The following SMARCC1 variants were observed in gnomAD, a reference collection of about 807,000 sequenced individuals.
The protein encoded by SMARCC1 is SWI/SNF complex subunit SMARCC1.
A neutral mutation model predicts 147.4 loss-of-function variants in SMARCC1; 43 were observed. That is an observed-to-expected ratio of 0.29 (90% confidence interval 0.23 to 0.38). The LOEUF (loss-of-function observed/expected upper bound fraction) is 0.38. Ranked by LOEUF, SMARCC1 falls within the 10% of genes least tolerant of loss-of-function variation. SMARCC1 has a pLI of 1.00. For synonymous variants in SMARCC1, 495 were observed against 484.4 expected, an observed-to-expected ratio of 1.02 and a Z score of -0.29; for missense variants, 1,119 against 1,381.1, an observed-to-expected ratio of 0.81 and a Z score of 3.01.
intron 21 of SMARCC1, among the ~76,000 whole-genome samples, chr3:47,661,009 T>A (rs947924714): frequency 2.0e-5 from 3 of 152,192 alleles, no homozygotes; most frequent in Admixed American, 1.3e-4. Flanking sequence ...TACAGTTCCA[T>A]GCATCTTTCA....
chr3:47,774,189 T>C (rs1352127370), intron 1 of SMARCC1, among the ~76,000 whole-genome samples: 3 of 151,590 alleles, frequency 2.0e-5, no homozygotes, highest in South Asian at 2.1e-4. Flanking sequence ...CAATTTCTGC[T>C]ACTACCATTG....
rs1262718864 is a variant in SMARCC1, at chr3:47,601,113, TTTTTC to T, written c.3043+8948_3043+8952del. 9.3e-5 allele frequency among the ~76,000 whole-genome samples: 14 copies of T among 149,908 alleles called. No homozygotes were observed. In the East Asian group the frequency reaches 2.6e-3, roughly 27 times the overall value. ...GGGAGTCTGACCTACATACAAGCTT[TTTTTC>T]TTTTCTTTTTTCTTTTTTTTTTTTA... On this transcript the variant is annotated intron_variant, in intron 26 of 27. Transcript: ENST00000254480.
chr3:47,776,075 G>A (rs1342907378), intron 1 of SMARCC1, among the ~76,000 whole-genome samples: 1 of 151,464 alleles, frequency 6.6e-6, no homozygotes, highest in Non-Finnish European at 1.5e-5. Context: ...TTGAATCCGG[G>A]AGGCGGAGGT....
chr3:47,742,467 C>T (rs1196952967), intron 3 of SMARCC1, among the ~76,000 whole-genome samples: 1 of 152,176 alleles, frequency 6.6e-6, no homozygotes, highest in Non-Finnish European at 1.5e-5. Context: ...TTACATATAA[C>T]TATACTTCAA....
At chr3:47,663,491 C>T in intron 19 of SMARCC1, 2 of 636,472 alleles carry the variant, frequency 3.1e-6, no homozygotes, top group East Asian at 5.4e-5. Context: ...CACATCTGTA[C>T]TCCCAGCTAC....
At chr3:47,709,288 A>C (rs1241194128) in intron 9 of SMARCC1, among the ~76,000 whole-genome samples, 1 of 151,964 alleles carries the variant, frequency 6.6e-6, no homozygotes, top group Non-Finnish European at 1.5e-5. Context: ...AATGTGAAAA[A>C]CAGTAAGGTT....
intron 25 of SMARCC1, among the ~76,000 whole-genome samples, chr3:47,613,534 A>G (rs1041606170): frequency 6.6e-6 from 1 of 151,724 alleles, no homozygotes; most frequent in Admixed American, 6.6e-5. Flanking sequence ...TAATTTTTGT[A>G]TTTTTAGTAG....
intron 8 of SMARCC1, among the ~76,000 whole-genome samples, chr3:47,713,998 GA>G (rs2034123674): frequency 6.6e-6 from 1 of 152,324 alleles, no homozygotes; most frequent in South Asian, 2.1e-4. Context: ...ACAGGAAAGG[GA>G]AACCAACATT....
At chr3:47,682,300 A>G (rs1434719078) in intron 14 of SMARCC1, among the ~76,000 whole-genome samples, 1 of 151,726 alleles carries the variant, frequency 6.6e-6, no homozygotes, top group Non-Finnish European at 1.5e-5. Context: ...GTTTCAAAAA[A>G]AAAAAAAAAA....
intron 1 of SMARCC1, among the ~76,000 whole-genome samples, chr3:47,778,950 T>C (rs2035010940): frequency 6.6e-6 from 1 of 151,964 alleles, no homozygotes; most frequent in East Asian, 1.9e-4. Flanking sequence ...ATCTCACCAC[T>C]GCACTCCAGC....
intron 21 of SMARCC1, among the ~76,000 whole-genome samples, chr3:47,659,453 T>C (rs929975032): frequency 1.3e-5 from 2 of 152,002 alleles, no homozygotes; most frequent in African/African-American, 2.4e-5. Context: ...TCTGATAGCA[T>C]GTTAAATGGA....
At chr3:47,743,161 G>T (rs987840226) in intron 3 of SMARCC1, among the ~76,000 whole-genome samples, 1 of 152,174 alleles carries the variant, frequency 6.6e-6, no homozygotes, top group Non-Finnish European at 1.5e-5. Flanking sequence ...TGAGAGGCAT[G>T]TTAGGCATGG....
rs779643934 is a variant in SMARCC1, at chr3:47,661,439, G to A, written c.2175C>T (p.Val725=). The A allele has an allele frequency of 6.9e-6, 11 of 1,603,522 alleles. No individual in the cohort carries two copies. The South Asian group carries it at 1.2e-4, about 18-fold the overall frequency. Residue 725 remains valine, a synonymous_variant, in exon 21 of 28, where the codon GTC becomes GTT. Coordinates refer to ENST00000254480, the MANE Select transcript of SMARCC1 (RefSeq NM_003074.4). ...AKAALEEFSR[V]REEVPLELVE... ...CCAATTCCAGTGGTACCTCCTCCCG[G>A]ACCCGAGAAAACTCCTCTGGTTCAA...
At chr3:47,612,134 T>C (rs897084352) in intron 25 of SMARCC1, among the ~76,000 whole-genome samples, 4 of 152,170 alleles carry the variant, frequency 2.6e-5, no homozygotes, top group Non-Finnish European at 4.4e-5. Context: ...AGATGTAATA[T>C]GTAAACAGCA....
At chr3:47,640,271 G>C (rs1327514852) in intron 21 of SMARCC1, among the ~76,000 whole-genome samples, 1 of 151,816 alleles carries the variant, frequency 6.6e-6, no homozygotes, top group Non-Finnish European at 1.5e-5. Context: ...AAATACACTA[G>C]AGATTTAGAA....
chr3:47,700,117 T>A (rs2033898824), intron 11 of SMARCC1, among the ~76,000 whole-genome samples: 1 of 151,974 alleles, frequency 6.6e-6, no homozygotes, highest in Non-Finnish European at 1.5e-5. Flanking sequence ...CTGTAATTCA[T>A]CTCCTAATAA....
At chr3:47,695,611 A>G (rs1426851703) in intron 11 of SMARCC1, among the ~76,000 whole-genome samples, 1 of 151,670 alleles carries the variant, frequency 6.6e-6, no homozygotes, top group East Asian at 1.9e-4. Context: ...TACTAAAAAT[A>G]CAAAAATTAG....
intron 2 of SMARCC1, among the ~76,000 whole-genome samples, chr3:47,759,071 G>A (rs1363590242): frequency 6.6e-6 from 1 of 151,764 alleles, no homozygotes; most frequent in African/African-American, 2.4e-5. Context: ...ATAGTGCAGA[G>A]GTGCAATCTC....
intron 11 of SMARCC1, among the ~76,000 whole-genome samples, 199 bp downstream of exon 11, chr3:47,701,079 C>T (rs2033911665): frequency 6.6e-6 from 1 of 152,036 alleles, no homozygotes; most frequent in South Asian, 2.1e-4. Flanking sequence ...TTTTTGGTCG[C>T]TGTAAGTTTT....
Sources: gnomAD v4.1 joint callset for allele counts (sites outside exome capture counted in the v4.1 genomes callset) on GRCh38, gnomAD v4.1.1 for gene constraint, MANE v1.5 for transcripts, NCBI Gene and HGNC (gene_info 2026-07-23, HGNC 2026-07-21) for gene names.